ZHX2: variants seen among roughly 807,000 people sequenced by gnomAD.
ZHX2 encodes zinc fingers and homeoboxes protein 2.
In ZHX2, 6 loss-of-function variants were observed where a neutral mutation model predicts 21.9. That is an observed-to-expected ratio of 0.27 (90% CI 0.15 to 0.54). ZHX2 has a LOEUF of 0.54. ZHX2 is among the 20% of genes least tolerant of loss of function. The pLI, the probability that ZHX2 is intolerant of heterozygous loss-of-function variation, is 0.95. For synonymous variants in ZHX2, 434 were observed against 437.1 expected, an observed-to-expected ratio of 0.99 and a Z score of 0.09; for missense variants, 908 against 1,090.7, an observed-to-expected ratio of 0.83 and a Z score of 2.36.
chr8:122,856,023 G>A (rs979895925), intron 1 of ZHX2, among the ~76,000 whole-genome samples: 4 of 152,178 alleles, frequency 2.6e-5, no homozygotes, highest in Non-Finnish European at 5.9e-5. Flanking sequence ...CTATATGGGG[G>A]GAAATGAAAC....
At chr8:122,836,472 C>T (rs760123868) in intron 1 of ZHX2, among the ~76,000 whole-genome samples, 7 of 152,132 alleles carry the variant, frequency 4.6e-5, no homozygotes, top group Admixed American at 2.6e-4. Context: ...GTTCTTGTAT[C>T]GGTTCGAACC....
chr8:122,908,323 A>G (rs947913117), intron 2 of ZHX2, among the ~76,000 whole-genome samples: 3 of 152,118 alleles, frequency 2.0e-5, no homozygotes, highest in Non-Finnish European at 2.9e-5. Flanking sequence ...CCTCAGCCTT[A>G]CAAGTAGCTG....
chr8:122,826,532 G>C (rs1818269806), intron 1 of ZHX2, among the ~76,000 whole-genome samples: 1 of 152,176 alleles, frequency 6.6e-6, no homozygotes, highest in South Asian at 2.1e-4. Flanking sequence ...TTCTTTTTAT[G>C]AAAGGGTCTG....
chr8:122,801,811 C>T (rs567187375), intron 1 of ZHX2, among the ~76,000 whole-genome samples: 14 of 152,130 alleles, frequency 9.2e-5, no homozygotes, highest in South Asian at 2.1e-4. Context: ...TTGCCCTAAA[C>T]GCACATCTGG....
chr8:122,952,085 C>A lies in ZHX2; in HGVS notation c.575C>A (p.Pro192Gln), dbSNP rs1423470015. 1 of 1,613,618 alleles carries A rather than the reference C, an allele frequency of 6.2e-7. No homozygotes were observed. The highest frequency in any genetic ancestry group is 1.1e-5 in the South Asian group (1 of 91,002). Reference protein sequence around the residue: ...SKTPIMKPGKPKADAKKVPKK... With the variant: ...SKTPIMKPGKQKADAKKVPKK... Reference sequence around the variant, plus strand: ...ACCCCCATCATGAAGCCTGGAAAACCAAAAGCGGATGCCAAGAAGGTGCCC... The same window carrying A: ...ACCCCCATCATGAAGCCTGGAAAACAAAAAGCGGATGCCAAGAAGGTGCCC... The change falls in exon 3 of 4, where the codon CCA becomes CAA. Residue 192 changes from proline to glutamine, a missense_variant. Pro to Gln is a moderately conservative substitution (Grantham distance 76). Around this residue, in one of 4 missense-constraint regions of ZHX2, gnomAD observed 220 missense variants for 251.4 expected, o/e 0.88. Coordinates refer to ENST00000314393, the MANE Select transcript of ZHX2 (RefSeq NM_014943.5). This position sits in a 1 kb window ranked among gnomAD's most constrained non-coding sequence, Gnocchi z 6.9.
At chr8:122,822,399 A>G (rs767195789) in intron 1 of ZHX2, among the ~76,000 whole-genome samples, 1 of 152,168 alleles carries the variant, frequency 6.6e-6, no homozygotes, top group Non-Finnish European at 1.5e-5. Flanking sequence ...CCCAGGGAAC[A>G]GTGGGATTTG....
intron 2 of ZHX2, among the ~76,000 whole-genome samples, chr8:122,897,844 C>T (rs771905165): frequency 2.0e-5 from 3 of 152,138 alleles, no homozygotes; most frequent in African/African-American, 4.8e-5. Flanking sequence ...CCCCACCCAG[C>T]GTGTCAGGAC....
At chr8:122,899,649 A>G (rs181802127) in intron 2 of ZHX2, among the ~76,000 whole-genome samples, 2 of 152,214 alleles carry the variant, frequency 1.3e-5, no homozygotes, top group East Asian at 1.9e-4. Context: ...ACCTGAGTCT[A>G]AGGGTATTGT....
At chr8:122,909,387 C>T (rs1029514398) in intron 2 of ZHX2, among the ~76,000 whole-genome samples, 1 of 150,972 alleles carries the variant, frequency 6.6e-6, no homozygotes, top group Non-Finnish European at 1.5e-5. Context: ...GAATAAAGAT[C>T]GTGCCACTGC....
intron 1 of ZHX2, among the ~76,000 whole-genome samples, chr8:122,863,119 C>T (rs909984401): frequency 2.5e-4 from 38 of 152,040 alleles, no homozygotes; most frequent in African/African-American, 9.2e-4. Flanking sequence ...CATGAAGGGC[C>T]GCTGCCAGGA....
chr8:122,893,825 C>A (rs1820037376), intron 2 of ZHX2, among the ~76,000 whole-genome samples: 1 of 152,164 alleles, frequency 6.6e-6, no homozygotes, highest in Non-Finnish European at 1.5e-5. Flanking sequence ...TAGATTTCCT[C>A]TTCTTTGGGA....
chr8:122,887,544 A>T (rs921765928), intron 2 of ZHX2, among the ~76,000 whole-genome samples: 3 of 152,130 alleles, frequency 2.0e-5, no homozygotes, highest in Non-Finnish European at 2.9e-5. Flanking sequence ...AAAATGAAAA[A>T]ATATATATAC....
At position 122,819,062 on chromosome 8, in the gene ZHX2, A is replaced by G. The variant is rs74378820; in HGVS notation, c.-283+37116A>G. On this transcript the variant is annotated intron_variant, in intron 1 of 3. Coordinates refer to ENST00000314393, the MANE Select transcript of ZHX2 (RefSeq NM_014943.5). ...GGAGAAGAGAACGAAGAGAGAAGGC[A>G]TTAAGACTCAGCCTCCATCTGCAAG... 4.7e-3 allele frequency among the ~76,000 whole-genome samples: 715 copies of G among 152,352 alleles called. 6 individuals are homozygous for G. Among genetic ancestry groups the G allele is most frequent in the African/African-American group, 0.017 (692 of 41,582 alleles).
intron 2 of ZHX2, among the ~76,000 whole-genome samples, chr8:122,938,181 C>T (rs527603268): frequency 1.3e-5 from 2 of 152,012 alleles, no homozygotes; most frequent in Non-Finnish European, 2.9e-5. Flanking sequence ...GATCCGCCCA[C>T]CTCGGCCTCC....
intron 2 of ZHX2, among the ~76,000 whole-genome samples, chr8:122,928,230 A>G (rs536704307): frequency 2.0e-5 from 3 of 152,228 alleles, no homozygotes; most frequent in Admixed American, 6.5e-5. Flanking sequence ...GAATAGAGGA[A>G]CTACTAATGA....
rs377449628 is a variant in ZHX2 at position 122,953,252 on chromosome 8, G to A, written c.1742G>A (p.Arg581Gln). 2.0e-5 allele frequency: 32 copies of A among 1,613,936 alleles called. No individual in the cohort carries two copies. The highest frequency in any genetic ancestry group is 1.6e-4 in the Middle Eastern group (1 of 6,084). Reference sequence around the variant, plus strand: ...ATCGACTCCTGGTTCTCGGAGAGGCGGAAGCTTCGAGACAGCATGGAACAA... The same window carrying A: ...ATCGACTCCTGGTTCTCGGAGAGGCAGAAGCTTCGAGACAGCATGGAACAA... ...REIDSWFSERRKLRDSMEQAV... is the reference protein window; with the variant it reads ...REIDSWFSERQKLRDSMEQAV... The change falls in exon 3 of 4, where the codon CGG becomes CAG. Residue 581 changes from arginine (R) to glutamine (Q), a missense_variant. Physicochemically the swap from Arg to Gln is conservative, Grantham distance 43. Around this residue, in one of 4 missense-constraint regions of ZHX2, gnomAD observed 431 missense variants for 428.6 expected, o/e 1.01. Transcript: ENST00000314393. This position sits in a 1 kb window ranked among gnomAD's most constrained non-coding sequence, Gnocchi z 4.6.
chr8:122,826,740 G>A (rs909490125), intron 1 of ZHX2, among the ~76,000 whole-genome samples: 4 of 152,124 alleles, frequency 2.6e-5, no homozygotes, highest in East Asian at 1.9e-4. Context: ...GAATGTGTTC[G>A]GAAAAATGTG....
chr8:122,798,835 ACT>A (rs1000432497), intron 1 of ZHX2, among the ~76,000 whole-genome samples: 1 of 151,284 alleles, frequency 6.6e-6, no homozygotes. Flanking sequence ...AAAAGTAAGG[ACT>A]CTCTTCAACC....
At chr8:122,957,640 C>G (rs1429633204) in intron 3 of ZHX2, among the ~76,000 whole-genome samples, 1 of 152,080 alleles carries the variant, frequency 6.6e-6, no homozygotes, top group Non-Finnish European at 1.5e-5. Context: ...GCTAATTTTT[C>G]TATTTTTTTT....
Sources: allele counts gnomAD v4.1 joint callset (sites outside exome capture counted in the v4.1 genomes callset), GRCh38; gene constraint gnomAD v4.1.1; regional missense constraint gnomAD v4.1.1; non-coding constraint Gnocchi (gnomAD v3.1); transcripts MANE v1.5; gene names NCBI Gene and HGNC (gene_info 2026-07-23, HGNC 2026-07-21).